UGGT2: variants seen among roughly 807,000 people sequenced by gnomAD.
UGGT2 encodes UDP-glucose:glycoprotein glucosyltransferase 2.
Under a neutral mutation model 192.1 loss-of-function variants are expected in UGGT2, and 180 were observed. That is an observed-to-expected ratio of 0.94 (90% CI 0.83 to 1.06). UGGT2 has a LOEUF of 1.06. Among genes scored for constraint, UGGT2 ranks in the 50% least tolerant of loss-of-function variants. The probability of loss-of-function intolerance (pLI) is 0.00; values close to 1 mark genes in which losing one functional copy is unlikely to be tolerated. For missense variants in UGGT2, 1,849 were observed against 1,795.7 expected (o/e 1.03, Z -0.54); for synonymous variants, 580 against 591.0 (o/e 0.98, Z 0.27).
intron 17 of UGGT2, among the ~76,000 whole-genome samples, chr13:95,928,612 G>A (rs2049127274): frequency 6.6e-6 from 1 of 151,782 alleles, no homozygotes; most frequent in African/African-American, 2.4e-5. Context: ...GCGGGGCAAA[G>A]GCGCTCCCCA....
intron 12 of UGGT2, among the ~76,000 whole-genome samples, chr13:95,949,876 T>A (rs1411406626): frequency 6.6e-6 from 1 of 152,136 alleles, no homozygotes; most frequent in African/African-American, 2.4e-5. Flanking sequence ...AAAATCAACA[T>A]CTTAGAAATC....
At chr13:95,997,517 C>T (rs766333332) in intron 6 of UGGT2, among the ~76,000 whole-genome samples, 4 of 152,044 alleles carry the variant, frequency 2.6e-5, no homozygotes, top group Admixed American at 1.3e-4. Flanking sequence ...GTGGCAGGCG[C>T]GTGTAATCCC....
At chr13:95,948,489 T>C (rs1393919525) in intron 13 of UGGT2, among the ~76,000 whole-genome samples, 2 of 152,156 alleles carry the variant, frequency 1.3e-5, no homozygotes. Flanking sequence ...CATAACTGCT[T>C]TATCAAGACT....
intron 2 of UGGT2, among the ~76,000 whole-genome samples, chr13:96,025,054 T>G (rs943928001): frequency 6.6e-6 from 1 of 152,184 alleles, no homozygotes; most frequent in African/African-American, 2.4e-5. Context: ...AGGCAACCAG[T>G]GCAAATATGG....
chr13:95,935,921 G>C (rs545798409), intron 17 of UGGT2, among the ~76,000 whole-genome samples: 2 of 152,096 alleles, frequency 1.3e-5, no homozygotes, highest in Non-Finnish European at 2.9e-5. Context: ...CCATCTCCTA[G>C]GCTCAAGTGA....
At chr13:95,862,320 A>C (rs913746752) in intron 31 of UGGT2, among the ~76,000 whole-genome samples, 1 of 152,186 alleles carries the variant, frequency 6.6e-6, no homozygotes, top group Admixed American at 6.5e-5. Context: ...TAACATTTCT[A>C]TTTCTTATCT....
At chr13:95,959,406 G>C (rs1394808071) in intron 12 of UGGT2, among the ~76,000 whole-genome samples, 1 of 152,116 alleles carries the variant, frequency 6.6e-6, no homozygotes, top group Non-Finnish European at 1.5e-5. Flanking sequence ...CCTATGGCCG[G>C]TGGATCATCC....
chr13:95,984,661 A>C (rs1269130470), intron 9 of UGGT2, among the ~76,000 whole-genome samples: 1 of 152,218 alleles, frequency 6.6e-6, no homozygotes, highest in Admixed American at 6.5e-5. Flanking sequence ...TAATTCACTT[A>C]TAATTTAAAG....
At chr13:95,975,193 A>G (rs2050898883) in intron 10 of UGGT2, among the ~76,000 whole-genome samples, 1 of 152,196 alleles carries the variant, frequency 6.6e-6, no homozygotes, top group African/African-American at 2.4e-5. Context: ...AATAAACACT[A>G]AAGACCTTGC....
At chr13:95,919,961 G>A (rs943576846) in intron 20 of UGGT2, among the ~76,000 whole-genome samples, 1 of 152,004 alleles carries the variant, frequency 6.6e-6, no homozygotes, top group South Asian at 2.1e-4. Context: ...AATATACAAG[G>A]CTACAGTAAC....
intron 37 of UGGT2, among the ~76,000 whole-genome samples, chr13:95,833,715 G>A (rs548074552): frequency 1.3e-5 from 2 of 152,252 alleles, no homozygotes; most frequent in Non-Finnish European, 1.5e-5. Context: ...TATATTGGAC[G>A]TGAGCTGTAA....
chr13:95,924,471 T>C (rs2048957524), intron 20 of UGGT2, among the ~76,000 whole-genome samples: 1 of 146,478 alleles, frequency 6.8e-6, no homozygotes, highest in African/African-American at 2.5e-5. Context: ...AAATGCATTC[T>C]GACATGGTGT....
intron 12 of UGGT2, 129 bp downstream of exon 12, chr13:95,969,983 G>C: frequency 2.1e-6 from 2 of 940,990 alleles, no homozygotes; most frequent in Non-Finnish European, 3.2e-6. Flanking sequence ...TCTATAGTTT[G>C]ACTTTCTCTT....
chr13:95,810,985 C>T (rs925033051), intron 38 of UGGT2, among the ~76,000 whole-genome samples: 4 of 152,032 alleles, frequency 2.6e-5, no homozygotes, highest in African/African-American at 9.7e-5. Flanking sequence ...ATACAGACTG[C>T]CAATAAGCAC....
rs1005656298 is a variant in UGGT2, at chr13:95,947,098, C to T, written c.1616G>A (p.Arg539Gln). The change falls in exon 15 of 39, where the codon CGA becomes CAA. Residue 539 changes from arginine (R) to glutamine (Q), a missense_variant. Coordinates refer to ENST00000376747, the MANE Select transcript of UGGT2 (RefSeq NM_020121.4). ...GANDAGVALW[R>Q]AFNYIAEEFD... ...TTCTTCTGCAATATAGTTGAAAGCT[C>T]GCCAGAGAGCAACTCCAGCATCATT... The T allele has an allele frequency of 6.8e-6, 11 of 1,611,928 alleles. No homozygotes were observed. Among genetic ancestry groups the T allele is most frequent in the East Asian group, 2.2e-5 (1 of 44,740 alleles).
intron 10 of UGGT2, among the ~76,000 whole-genome samples, chr13:95,982,862 T>C (rs1355360490): frequency 6.6e-6 from 1 of 152,128 alleles, no homozygotes; most frequent in Non-Finnish European, 1.5e-5. Flanking sequence ...ATGTCCCAGG[T>C]AGGAATGATG....
intron 1 of UGGT2, among the ~76,000 whole-genome samples, chr13:96,033,443 T>A (rs1305206091): frequency 6.6e-6 from 1 of 152,064 alleles, no homozygotes; most frequent in Non-Finnish European, 1.5e-5. Context: ...CGGACATCCC[T>A]GTGCTTTTGG....
At chr13:95,877,065 G>T in intron 29 of UGGT2, 1 of 399,080 alleles carries the variant, frequency 2.5e-6, no homozygotes, top group East Asian at 4.1e-5. Flanking sequence ...TGTATTTTTA[G>T]TACAGATGGG....
chr13:95,972,439 G>A (rs1459564280), intron 11 of UGGT2, 141 bp downstream of exon 11: 2 of 753,946 alleles, frequency 2.7e-6, no homozygotes, highest in East Asian at 2.8e-5. Context: ...GCCCATTTTG[G>A]TAGAAGAAAG....
Sources: gnomAD v4.1 joint callset for allele counts (sites outside exome capture counted in the v4.1 genomes callset) on GRCh38, gnomAD v4.1.1 for gene constraint, MANE v1.5 for transcripts, NCBI Gene and HGNC (gene_info 2026-07-23, HGNC 2026-07-21) for gene names.